The following SLC12A1 variants were observed in gnomAD, a reference collection of about 807,000 sequenced individuals.
SLC12A1 encodes the protein Na-K-2Cl cotransporter.
In SLC12A1, 89 loss-of-function variants were observed where a neutral mutation model predicts 130.4. The observed-to-expected ratio is 0.68, with a 90% CI of 0.58 to 0.81. The LOEUF (loss-of-function observed/expected upper bound fraction) is 0.81. SLC12A1 is among the 40% of genes least tolerant of loss of function. The pLI, the probability that SLC12A1 is intolerant of heterozygous loss-of-function variation, is 0.00. For missense variants in SLC12A1, 1,310 were observed against 1,336.4 expected (o/e 0.98, Z 0.31); for synonymous variants, 499 against 460.0 (o/e 1.08, Z -1.09).
chr15:48,233,280 C>T, intron 8 of SLC12A1, among the ~76,000 whole-genome samples: 1 of 152,148 alleles, frequency 6.6e-6, no homozygotes, highest in East Asian at 1.9e-4. Context: ...TAAGAACTTC[C>T]TGAGGGAATT....
chr15:48,240,087 A>C (rs1363879440), intron 9 of SLC12A1, among the ~76,000 whole-genome samples: 3 of 108,654 alleles, frequency 2.8e-5, no homozygotes, highest in Non-Finnish European at 5.0e-5. Flanking sequence ...ATATATATAT[A>C]TATCCATATA....
chr15:48,215,157 T>A (rs2041104835), intron 2 of SLC12A1, among the ~76,000 whole-genome samples: 1 of 152,180 alleles, frequency 6.6e-6, no homozygotes, highest in African/African-American at 2.4e-5. Flanking sequence ...GCTTTGATAA[T>A]AGCTATAAAG....
Position 48,229,286 on chromosome 15 carries a change from G to GT in SLC12A1, c.823dup (p.Tyr275LeufsTer7). The GT allele has an allele frequency of 6.2e-7, 1 of 1,605,486 alleles. No individual in the cohort carries two copies. Among genetic ancestry groups the GT allele is most frequent in the Non-Finnish European group, 8.5e-7 (1 of 1,175,646 alleles). On this transcript the variant is annotated frameshift_variant, in exon 6 of 27. Transcript: ENST00000380993. LOFTEE classifies it high-confidence loss of function. Reference sequence around the variant, plus strand: ...TTGCTAATGCAGTGGCTGTTGCTATGTATGTGGTGGGATTTGCTGAGACTG... The same window carrying GT: ...TTGCTAATGCAGTGGCTGTTGCTATGTTATGTGGTGGGATTTGCTGAGACTG...
chr15:48,288,093 A>G lies in SLC12A1; in HGVS notation c.2680A>G (p.Lys894Glu), dbSNP rs760812083. 15 of 1,611,000 alleles carry G rather than the reference A, an allele frequency of 9.3e-6. No homozygotes were observed. In the Admixed American group the frequency reaches 2.4e-4, roughly 25 times the overall value. Residue 894 changes from lysine (K) to glutamate (E), a missense_variant, in exon 22 of 27, where the codon AAA becomes GAA. By Grantham distance (56) the Lys-to-Glu change is moderately conservative (BLOSUM62 1). Coordinates refer to ENST00000380993, the MANE Select transcript of SLC12A1 (RefSeq NM_000338.3). ...GATGCATGTGGGAGAGTTCAACCAG[A>G]AACTGGTGGAAGCCAGCACTCAATT... ...QSMHVGEFNQ[K>E]LVEASTQFKK...
At chr15:48,272,865 T>C (rs1450528142) in intron 19 of SLC12A1, among the ~76,000 whole-genome samples, 1 of 152,092 alleles carries the variant, frequency 6.6e-6, no homozygotes, top group African/African-American at 2.4e-5. Context: ...CCCAGCACTT[T>C]GGGAGGCCAA....
chr15:48,299,914 G>A (rs1021917671), intron 25 of SLC12A1, among the ~76,000 whole-genome samples: 6 of 152,108 alleles, frequency 3.9e-5, no homozygotes, highest in Admixed American at 3.3e-4. Flanking sequence ...TGGATTGGAC[G>A]GAAATGAAAA....
At chr15:48,282,663 G>C (rs2042020196) in intron 20 of SLC12A1, among the ~76,000 whole-genome samples, 1 of 152,108 alleles carries the variant, frequency 6.6e-6, no homozygotes, top group South Asian at 2.1e-4. Flanking sequence ...GGGTACCAGT[G>C]CTGCTGCTCT....
intron 9 of SLC12A1, among the ~76,000 whole-genome samples, chr15:48,236,153 G>A (rs1233533427): frequency 6.7e-6 from 1 of 150,070 alleles, no homozygotes; most frequent in African/African-American, 2.5e-5. Flanking sequence ...GAAGACACAG[G>A]TTTTACCACA....
chr15:48,211,998 C>T (rs1755950600), intron 2 of SLC12A1, among the ~76,000 whole-genome samples: 1 of 152,130 alleles, frequency 6.6e-6, no homozygotes, highest in Non-Finnish European at 1.5e-5. Context: ...GGAGAAACAA[C>T]TGTCCTTTAC....
intron 2 of SLC12A1, among the ~76,000 whole-genome samples, chr15:48,211,560 T>C (rs1351898445): frequency 1.3e-5 from 2 of 152,226 alleles, no homozygotes; most frequent in African/African-American, 4.8e-5. Flanking sequence ...TAATAGTGTT[T>C]ACTTAAATCA....
At chr15:48,295,146 T>C (rs2042164420) in intron 24 of SLC12A1, among the ~76,000 whole-genome samples, 1 of 151,384 alleles carries the variant, frequency 6.6e-6, no homozygotes, top group Admixed American at 6.6e-5. Flanking sequence ...CTGGGCTTAA[T>C]TGATCCTGCC....
At chr15:48,263,363 A>G (rs1227907351) in intron 17 of SLC12A1, among the ~76,000 whole-genome samples, 1 of 152,166 alleles carries the variant, frequency 6.6e-6, no homozygotes, top group Non-Finnish European at 1.5e-5. Context: ...TCAGGTTTAC[A>G]GTGGCATCTT....
chr15:48,245,685 T>C (rs1263772783), intron 11 of SLC12A1, among the ~76,000 whole-genome samples: 1 of 152,238 alleles, frequency 6.6e-6, no homozygotes, highest in Admixed American at 6.5e-5. Context: ...GGCATCTAGA[T>C]TGATTCCATG....
intron 17 of SLC12A1, among the ~76,000 whole-genome samples, chr15:48,265,943 A>C (rs1398769029): frequency 6.6e-6 from 1 of 152,216 alleles, no homozygotes; most frequent in African/African-American, 2.4e-5. Context: ...AAAATATTGT[A>C]ATTTCAATAT....
Position 48,220,882 on chromosome 15 carries a change from G to A in SLC12A1, c.553-39G>A, listed in dbSNP as rs552609272. The A allele has an allele frequency of 4.7e-5, 76 of 1,612,570 alleles. 1 individual carries two copies. In the East Asian group the frequency reaches 1.0e-3, roughly 22 times the overall value. On this transcript the variant is annotated intron_variant, in intron 3 of 26. Coordinates refer to ENST00000380993, the MANE Select transcript of SLC12A1 (RefSeq NM_000338.3). ...GAGCCCCGGGTTTTGTCCCACTATC[G>A]TTTGTCCTGTCTCCTTTCAATACCG...
At chr15:48,257,617 C>T (rs1566844209) in intron 16 of SLC12A1, among the ~76,000 whole-genome samples, 1 of 152,192 alleles carries the variant, frequency 6.6e-6, no homozygotes, top group Non-Finnish European at 1.5e-5. Context: ...CCTTCTGAAG[C>T]CACCATCCAA....
At chr15:48,216,116 C>T (rs952813191) in intron 2 of SLC12A1, among the ~76,000 whole-genome samples, 15 of 152,098 alleles carry the variant, frequency 9.9e-5, no homozygotes, top group Non-Finnish European at 8.8e-5. Context: ...GCAGGTTGAA[C>T]ATATTATTAA....
rs577820421 is a variant in SLC12A1 at position 48,288,582 on chromosome 15, A to C, written c.2873+66A>C. On this transcript the variant is annotated intron_variant, in intron 23 of 26. Transcript: ENST00000380993. ...TTTGTTGCTTTAATGCTTTAATTTTAATAACTTTAAGTGTCTCTGAGACAC... is the reference window on the plus strand; with the variant it reads ...TTTGTTGCTTTAATGCTTTAATTTTCATAACTTTAAGTGTCTCTGAGACAC... 8.5e-5 allele frequency: 66 copies of C among 779,710 alleles called. No homozygotes were observed. The African/African-American group carries it at 1.0e-3, about 12-fold the overall frequency. 48.3% of individuals were successfully genotyped at this position (779,710 alleles called of 1,614,324 possible). A position where few individuals can be genotyped will look rare whatever the true frequency, so the allele number is the denominator to read the frequency against.
At chr15:48,291,929 T>C in intron 24 of SLC12A1, 65 bp downstream of exon 24, 3 of 1,029,280 alleles carry the variant, frequency 2.9e-6, no homozygotes, top group Non-Finnish European at 4.4e-6. Flanking sequence ...TTTGTGTTGA[T>C]TATCAAACAG....
Sources: gnomAD v4.1 joint callset for allele counts (sites outside exome capture counted in the v4.1 genomes callset) on GRCh38, gnomAD v4.1.1 for gene constraint, MANE v1.5 for transcripts, NCBI Gene and HGNC (gene_info 2026-07-23, HGNC 2026-07-21) for gene names.